The following AMPH variants were observed in gnomAD, a reference collection of about 807,000 sequenced individuals.
The protein encoded by AMPH is amphiphysin, also known as amphiphysin (Stiff-Mann syndrome with breast cancer 128kD autoantigen).
A neutral mutation model predicts 99.1 loss-of-function variants in AMPH; 49 were observed. The ratio of observed to expected loss-of-function variants is 0.49; its 90% CI spans 0.39 to 0.63. The LOEUF (loss-of-function observed/expected upper bound fraction) is 0.63. AMPH is among the 20% of genes least tolerant of loss of function. The pLI is 0.00. For missense variants in AMPH, 759 were observed against 863.4 expected (o/e 0.88, Z 1.52); for synonymous variants, 314 against 317.3 (o/e 0.99, Z 0.11).
chr7:38,532,535 T>A (rs149987762), intron 2 of AMPH, among the ~76,000 whole-genome samples: 88 of 152,298 alleles, frequency 5.8e-4, no homozygotes, highest in African/African-American at 1.9e-3. Flanking sequence ...GGTGCTAATA[T>A]ACTATGCCCC....
chr7:38,477,461 A>G (rs1355732654), intron 5 of AMPH, among the ~76,000 whole-genome samples: 4 of 152,192 alleles, frequency 2.6e-5, no homozygotes, highest in Non-Finnish European at 5.9e-5. Context: ...TTTGTTCATT[A>G]GAATCCCCTG....
chr7:38,490,945 C>T, intron 5 of AMPH, 105 bp downstream of exon 5: 1 of 691,934 alleles, frequency 1.4e-6, no homozygotes, highest in Non-Finnish European at 2.5e-6. Flanking sequence ...TACCAACTAT[C>T]TTTGATGTCA....
intron 1 of AMPH, among the ~76,000 whole-genome samples, chr7:38,557,863 G>A (rs559043089): frequency 6.6e-6 from 1 of 152,088 alleles, no homozygotes; most frequent in African/African-American, 2.4e-5. Flanking sequence ...AGACCAGCCT[G>A]GGTAACATAG....
chr7:38,613,843 T>C (rs868155885), intron 1 of AMPH, among the ~76,000 whole-genome samples: 20 of 149,778 alleles, frequency 1.3e-4, no homozygotes, highest in Non-Finnish European at 1.0e-4. Context: ...GATATAGAAG[T>C]CTCCTGCTTC....
Position 38,463,018 on chromosome 7 carries a change from G to A in AMPH, c.845C>T (p.Ala282Val). Residue 282 changes from alanine to valine, a missense_variant, in exon 10 of 21, where the codon GCA (alanine) becomes GTA (valine). Transcript: ENST00000356264. ...SPTASPNHTL[A>V]PASPAPARPR... ...CCGTGCTGGTGCGGGAGACGCAGGT[G>A]CTAATGTATGATTTGGACTTGCTGT... 2 of 1,607,004 alleles carry A rather than the reference G, an allele frequency of 1.2e-6. No individual in the cohort carries two copies. The highest frequency in any genetic ancestry group is 1.7e-6 in the Non-Finnish European group (2 of 1,176,872).
intron 2 of AMPH, among the ~76,000 whole-genome samples, chr7:38,504,469 A>C (rs1251929880): frequency 6.6e-6 from 1 of 152,182 alleles, no homozygotes; most frequent in Non-Finnish European, 1.5e-5. Flanking sequence ...TGCCAATAGG[A>C]GAGTAGAGAA....
chr7:38,482,315 A>G (rs1788316511), intron 5 of AMPH, among the ~76,000 whole-genome samples: 2 of 152,112 alleles, frequency 1.3e-5, no homozygotes, highest in Non-Finnish European at 2.9e-5. Context: ...ATCCAGCAAA[A>G]GATCTAGATG....
chr7:38,488,526 G>C (rs1383974525), intron 5 of AMPH, among the ~76,000 whole-genome samples: 2 of 151,198 alleles, frequency 1.3e-5, no homozygotes, highest in Non-Finnish European at 2.9e-5. Context: ...GTCGGGGGGT[G>C]GGGGGCTAGG....
chr7:38,468,119 C>T (rs1407909193), intron 7 of AMPH, among the ~76,000 whole-genome samples: 1 of 152,098 alleles, frequency 6.6e-6, no homozygotes, highest in Non-Finnish European at 1.5e-5. Context: ...TGATGTTCAC[C>T]GTCAGACTGC....
At chr7:38,542,802 A>G (rs1790855132) in intron 1 of AMPH, among the ~76,000 whole-genome samples, 1 of 152,056 alleles carries the variant, frequency 6.6e-6, no homozygotes, top group Non-Finnish European at 1.5e-5. Flanking sequence ...CAAAAATTAA[A>G]AAAGAAAAAT....
At chr7:38,498,015 C>T (rs1289266750) in intron 3 of AMPH, among the ~76,000 whole-genome samples, 2 of 152,222 alleles carry the variant, frequency 1.3e-5, no homozygotes, top group Non-Finnish European at 2.9e-5. Flanking sequence ...TTCTAAATTC[C>T]TACTGGACAT....
intron 1 of AMPH, among the ~76,000 whole-genome samples, chr7:38,603,687 G>T (rs960226894): frequency 1.3e-5 from 2 of 152,144 alleles, no homozygotes; most frequent in Non-Finnish European, 2.9e-5. Flanking sequence ...TTCCATGGAG[G>T]TTCTGAAACC....
chr7:38,465,661 G>T, intron 8 of AMPH, 112 bp from the exon 9 acceptor site: 1 of 889,978 alleles, frequency 1.1e-6, no homozygotes, highest in Non-Finnish European at 1.8e-6. Context: ...TTTTATGATA[G>T]CTTGGATGGC....
At chr7:38,574,496 T>C (rs1455079588) in intron 1 of AMPH, among the ~76,000 whole-genome samples, 1 of 152,162 alleles carries the variant, frequency 6.6e-6, no homozygotes, top group Non-Finnish European at 1.5e-5. Flanking sequence ...AATTACAAGA[T>C]TTAGGAAGCT....
chr7:38,475,496 A>C, intron 6 of AMPH, 80 bp from the exon 7 acceptor site: 3 of 932,642 alleles, frequency 3.2e-6, no homozygotes, highest in Non-Finnish European at 5.0e-6. Flanking sequence ...GTAAAATAAG[A>C]ATAGTCTTAT....
rs7807147 is a variant in AMPH, at chr7:38,556,815, C to T, written c.70-21804G>A. On this transcript the variant is annotated intron_variant, in intron 1 of 20. Transcript: ENST00000356264. ...CCCCATTATGTGCTAGACATAAAGA[C>T]GGCAACAACAGACACTGGGGACTAC... Among the ~76,000 whole-genome samples, 1,371 of 152,130 alleles carry T rather than the reference C, an allele frequency of 9.0e-3. 22 individuals carry two copies. The highest frequency in any genetic ancestry group is 0.03 in the African/African-American group (1,251 of 41,482).
intron 5 of AMPH, among the ~76,000 whole-genome samples, chr7:38,483,724 T>A (rs140542246): frequency 6.6e-6 from 1 of 152,100 alleles, no homozygotes; most frequent in Non-Finnish European, 1.5e-5. Flanking sequence ...TTGTCTAATA[T>A]GAAGATATCA....
intron 12 of AMPH, among the ~76,000 whole-genome samples, chr7:38,432,587 T>TACACAC (rs10556315): frequency 0.056 from 8,262 of 148,108 alleles, 287 homozygotes; most frequent in Middle Eastern, 0.1. Context: ...GTTATTTTAA[T>TACACAC]ACACACACAC....
At position 38,392,278 on chromosome 7, in the gene AMPH, T is replaced by A. The variant is rs78690559; in HGVS notation, c.1609-261A>T. ...GGTAAGCATGAGGTTTCGGTGGGAA[T>A]TGGGAGGAGGGATAGGGGATGGGAG... On this transcript the variant is annotated intron_variant, in intron 18 of 20. Transcript: ENST00000356264. 3.3e-3 allele frequency among the ~76,000 whole-genome samples: 506 copies of A among 151,098 alleles called. 5 individuals are homozygous for A. The highest frequency in any genetic ancestry group is 0.012 in the African/African-American group (477 of 41,154).
Sources: allele counts gnomAD v4.1 joint callset (sites outside exome capture counted in the v4.1 genomes callset), GRCh38; gene constraint gnomAD v4.1.1; transcripts MANE v1.5; gene names NCBI Gene and HGNC (gene_info 2026-07-23, HGNC 2026-07-21).